The following SWAP70 variants were observed in gnomAD, a reference collection of about 807,000 sequenced individuals.
SWAP70 encodes switching B cell complex subunit SWAP70, also known as switch-associated protein 70.
A neutral mutation model predicts 80.2 loss-of-function variants in SWAP70; 34 were observed. The observed-to-expected ratio is 0.42, with a 90% CI of 0.32 to 0.56. The LOEUF is 0.56. SWAP70 is among the 20% of genes least tolerant of loss of function. The pLI is 0.09. For missense variants in SWAP70, 578 were observed against 690.7 expected, an observed-to-expected ratio of 0.84 and a Z score of 1.83; for synonymous variants, 239 against 238.5, an observed-to-expected ratio of 1.00 and a Z score of -0.02.
chr11:9,745,641 T>TA (rs1162459508), intron 9 of SWAP70, among the ~76,000 whole-genome samples: 1 of 152,246 alleles, frequency 6.6e-6, no homozygotes, highest in Non-Finnish European at 1.5e-5. Context: ...TATGAGCTGT[T>TA]ACCTACCAGT....
At chr11:9,706,674 A>T (rs952502539) in intron 2 of SWAP70, among the ~76,000 whole-genome samples, 1 of 152,052 alleles carries the variant, frequency 6.6e-6, no homozygotes, top group African/African-American at 2.4e-5. Flanking sequence ...TGTATGATTA[A>T]TTTTTACTCT....
At position 9,664,275 on chromosome 11, in the gene SWAP70, C is replaced by G. The variant is rs1376164506; in HGVS notation, c.96C>G (p.Leu32=). 6.4e-7 allele frequency: 1 copy of G among 1,572,616 alleles called. No individual in the cohort carries two copies. Among genetic ancestry groups the G allele is most frequent in the Admixed American group, 1.8e-5 (1 of 54,424 alleles). The change falls in exon 1 of 12, where the codon CTC becomes CTG. Residue 32 remains leucine (L), a synonymous_variant. Transcript: ENST00000318950. The part of the protein sequence containing the change: ...DHSGKVSKSQ[L]KVLSHNLCTV... ...GCGGCAAGGTCTCCAAGTCCCAGCT[C>G]AAGGTGGGCGCCTCCTGACCCGGCC...
chr11:9,705,592 T>TTGGTGATCTGTATGCAC (rs1312584398), intron 2 of SWAP70, among the ~76,000 whole-genome samples: 1 of 144,360 alleles, frequency 6.9e-6, no homozygotes, highest in Non-Finnish European at 1.5e-5. Flanking sequence ...CTGTGTACAC[T>TTGGTGATCTGTATGCAC]TGGTGATCTG....
At chr11:9,739,237 T>C (rs531838905) in intron 8 of SWAP70, among the ~76,000 whole-genome samples, 1 of 152,344 alleles carries the variant, frequency 6.6e-6, no homozygotes, top group East Asian at 1.9e-4. Context: ...CTTCTCACAT[T>C]GAGTGATACT....
chr11:9,685,600 C>T (rs1380649052), intron 1 of SWAP70, among the ~76,000 whole-genome samples: 1 of 143,382 alleles, frequency 7.0e-6, no homozygotes, highest in African/African-American at 2.4e-5. Context: ...GAGAGTTCCG[C>T]TCTCTTGACT....
intron 2 of SWAP70, among the ~76,000 whole-genome samples, chr11:9,710,718 C>A (rs1850986121): frequency 6.8e-6 from 1 of 146,932 alleles, no homozygotes. Flanking sequence ...CTTGCCCTGT[C>A]TCCAAGGCTG....
At chr11:9,681,902 G>A (rs563619894) in intron 1 of SWAP70, among the ~76,000 whole-genome samples, 2 of 152,178 alleles carry the variant, frequency 1.3e-5, no homozygotes, top group Non-Finnish European at 2.9e-5. Context: ...ACCTTTAGAG[G>A]AACATGAAAA....
chr11:9,729,477 A>G (rs770402943), intron 6 of SWAP70, 26 bp downstream of exon 6: 15 of 1,509,054 alleles, frequency 9.9e-6, no homozygotes, highest in Admixed American at 1.7e-5. Flanking sequence ...ATTATTTGCC[A>G]TGATATAACT....
intron 1 of SWAP70, among the ~76,000 whole-genome samples, chr11:9,689,025 T>G (rs1202668353): frequency 6.6e-6 from 1 of 152,240 alleles, no homozygotes; most frequent in African/African-American, 2.4e-5. Flanking sequence ...TTGCCCATTA[T>G]GAGTTATAAG....
rs57590750 is a variant in SWAP70 at position 9,672,195 on chromosome 11, C to CTATATATATATATA, written c.99+7937_99+7950dup. 2.0e-3 allele frequency among the ~76,000 whole-genome samples: 154 copies of CTATATATATATATA among 78,370 alleles called. 9 individuals carry two copies. The highest frequency in any genetic ancestry group is 2.4e-3 in the Non-Finnish European group (104 of 43,050). 51.4% of individuals were successfully genotyped at this position (78,370 alleles called of 152,430 possible). ...TATATATATACATATATGTGTGTGT[C>CTATATATATATATA]TATATATATATATATATATATATAT... On this transcript the variant is annotated intron_variant, in intron 1 of 11. Coordinates refer to ENST00000318950, the MANE Select transcript of SWAP70 (RefSeq NM_015055.4).
intron 7 of SWAP70, among the ~76,000 whole-genome samples, chr11:9,736,653 C>T (rs1851367152): frequency 6.6e-6 from 1 of 152,082 alleles, no homozygotes; most frequent in African/African-American, 2.4e-5. Flanking sequence ...TGCGAAGACC[C>T]TGATTTTTGC....
intron 11 of SWAP70, 57 bp downstream of exon 11, chr11:9,749,240 TTTAA>T (rs1590052459): frequency 2.1e-6 from 2 of 951,450 alleles, no homozygotes; most frequent in Non-Finnish European, 2.8e-6. Flanking sequence ...TTTTATTTTA[TTTAA>T]TTAATTTATT....
intron 8 of SWAP70, 96 bp downstream of exon 8, chr11:9,738,416 A>C (rs185857259): frequency 1.2e-6 from 1 of 828,998 alleles, no homozygotes; most frequent in East Asian, 2.9e-5. Context: ...GCATGTCATC[A>C]GCTTGGCTTT....
intron 3 of SWAP70, among the ~76,000 whole-genome samples, chr11:9,719,217 C>T (rs1851104806): frequency 6.6e-6 from 1 of 151,910 alleles, no homozygotes; most frequent in African/African-American, 2.4e-5. Flanking sequence ...CCAGCCTGGG[C>T]AACATGGTGA....
intron 3 of SWAP70, among the ~76,000 whole-genome samples, chr11:9,723,017 A>C (rs546590190): frequency 6.6e-6 from 1 of 152,256 alleles, no homozygotes; most frequent in East Asian, 1.9e-4. Context: ...CATGTTTGAG[A>C]AAGTAGGCTG....
At chr11:9,727,885 A>T (rs1297020484) in intron 4 of SWAP70, among the ~76,000 whole-genome samples, 168 bp from the exon 5 acceptor site, 1 of 152,134 alleles carries the variant, frequency 6.6e-6, no homozygotes, top group Non-Finnish European at 1.5e-5. Context: ...TGCTTGCATG[A>T]CTAGGTGTAA....
chr11:9,670,238 T>C (rs1481785412), intron 1 of SWAP70, among the ~76,000 whole-genome samples: 10 of 152,132 alleles, frequency 6.6e-5, no homozygotes, highest in African/African-American at 2.4e-4. Flanking sequence ...GGTATGAGCC[T>C]TGACCCATGA....
At position 9,751,250 on chromosome 11, in the gene SWAP70, C is replaced by T. The variant is rs987873660; in HGVS notation, c.*1280C>T. The T allele has an allele frequency of 6.6e-6, 1 of 152,174 alleles. No individual in the cohort carries two copies. Among genetic ancestry groups the T allele is most frequent in the Non-Finnish European group, 1.5e-5 (1 of 68,028 alleles). The allele number at this position is 152,174 out of a possible 1,614,324, so 9.4% of individuals were successfully genotyped here. ...GGTGGGCAGCTTTTCTGCTTTTTCCCTTCCTCTGTGGTGACAACGGAGGAA... is the reference window on the plus strand; with the variant it reads ...GGTGGGCAGCTTTTCTGCTTTTTCCTTTCCTCTGTGGTGACAACGGAGGAA... On this transcript the variant is annotated 3_prime_UTR_variant, in exon 12 of 12. Coordinates refer to ENST00000318950, the MANE Select transcript of SWAP70 (RefSeq NM_015055.4).
At chr11:9,688,805 T>C (rs1372652153) in intron 1 of SWAP70, among the ~76,000 whole-genome samples, 3 of 151,952 alleles carry the variant, frequency 2.0e-5, no homozygotes, top group South Asian at 2.1e-4. Flanking sequence ...ACTTAAGCAG[T>C]GACAAGCAGG....
Sources: allele counts gnomAD v4.1 joint callset (sites outside exome capture counted in the v4.1 genomes callset), GRCh38; gene constraint gnomAD v4.1.1; transcripts MANE v1.5; gene names NCBI Gene and HGNC (gene_info 2026-07-23, HGNC 2026-07-21).